Variants in FGD4 observed in about 807,000 individuals in gnomAD.
FGD4 encodes the protein FYVE, RhoGEF and PH domain containing 4.
Under a neutral mutation model 102.0 loss-of-function variants are expected in FGD4, and 42 were observed. The observed-to-expected ratio is 0.41, with a 90% CI of 0.32 to 0.53. The LOEUF is 0.53. Ranked by LOEUF, FGD4 falls within the 20% of genes least tolerant of loss-of-function variation. The pLI, the probability that FGD4 is intolerant of heterozygous loss-of-function variation, is 0.21. For synonymous variants in FGD4, 380 were observed against 375.7 expected (o/e 1.01, Z -0.13); for missense variants, 902 against 1,078.2 (o/e 0.84, Z 2.29).
At chr12:32,617,845 T>C (rs951520943) in intron 10 of FGD4, among the ~76,000 whole-genome samples, 1 of 152,242 alleles carries the variant, frequency 6.6e-6, no homozygotes, top group African/African-American at 2.4e-5. Flanking sequence ...CATAATCTTC[T>C]TTGTAAGCAA....
chr12:32,497,937 C>G (rs1937923696), intron 1 of FGD4, among the ~76,000 whole-genome samples: 1 of 152,166 alleles, frequency 6.6e-6, no homozygotes, highest in African/African-American at 2.4e-5. Flanking sequence ...CAGTGAGACT[C>G]TCCTCTAACG....
At chr12:32,632,245 T>C (rs1950535491) in intron 14 of FGD4, among the ~76,000 whole-genome samples, 1 of 152,222 alleles carries the variant, frequency 6.6e-6, no homozygotes, top group Non-Finnish European at 1.5e-5. Context: ...TAATACACAT[T>C]TGCATCATAT....
intron 1 of FGD4, among the ~76,000 whole-genome samples, chr12:32,443,467 C>G (rs1942510614): frequency 6.6e-6 from 1 of 151,616 alleles, no homozygotes; most frequent in African/African-American, 2.4e-5. Flanking sequence ...CCTCCTGCGT[C>G]AGCCTCCTGA....
At position 32,563,284 on chromosome 12, in the gene FGD4, C is replaced by T. The variant is rs867791084; in HGVS notation, c.167-853C>T. ...GCGGAGGGTCTCCTCACTTCTCAGA[C>T]GGGGCGGCCGGGCAGAGACGCTCCT... On this transcript the variant is annotated intron_variant, in intron 1 of 16. Transcript: ENST00000534526. 2.9e-3 allele frequency among the ~76,000 whole-genome samples: 406 copies of T among 141,904 alleles called. 1 individual carries two copies. The highest frequency in any genetic ancestry group is 0.023 in the Middle Eastern group (5 of 220). 93.1% of individuals were successfully genotyped at this position (141,904 alleles called of 152,430 possible).
chr12:32,514,311 T>G (rs1202771936), intron 1 of FGD4, among the ~76,000 whole-genome samples: 2 of 152,250 alleles, frequency 1.3e-5, no homozygotes, highest in East Asian at 1.9e-4. Context: ...TTTCTTTTTT[T>G]GAAATGTAAG....
At chr12:32,411,520 C>T (rs1444905541) in intron 1 of FGD4, among the ~76,000 whole-genome samples, 4 of 151,968 alleles carry the variant, frequency 2.6e-5, no homozygotes, top group Non-Finnish European at 5.9e-5. Flanking sequence ...GGCGACAGAG[C>T]AAGACTCCGT....
intron 1 of FGD4, among the ~76,000 whole-genome samples, chr12:32,528,093 C>A (rs1941439763): frequency 6.6e-6 from 1 of 152,050 alleles, no homozygotes; most frequent in Non-Finnish European, 1.5e-5. Flanking sequence ...CACATCCCAC[C>A]ACACCTGGCT....
At chr12:32,547,072 G>A (rs908247269) in intron 1 of FGD4, among the ~76,000 whole-genome samples, 1 of 152,190 alleles carries the variant, frequency 6.6e-6, no homozygotes, top group African/African-American at 2.4e-5. Flanking sequence ...CCTGCTCAGT[G>A]AAAGCCAAAG....
chr12:32,622,408 C>A (rs1949897889), intron 11 of FGD4, among the ~76,000 whole-genome samples: 1 of 152,184 alleles, frequency 6.6e-6, no homozygotes, highest in African/African-American at 2.4e-5. Flanking sequence ...GAGGAATTTT[C>A]TTAAGTACAG....
At chr12:32,570,353 G>C (rs1050684149) in intron 2 of FGD4, among the ~76,000 whole-genome samples, 1 of 151,988 alleles carries the variant, frequency 6.6e-6, no homozygotes, top group Non-Finnish European at 1.5e-5. Flanking sequence ...TAATAAGTGA[G>C]GGTGAACACC....
intron 1 of FGD4, among the ~76,000 whole-genome samples, chr12:32,408,052 T>G (rs1941021777): frequency 6.6e-6 from 1 of 151,732 alleles, no homozygotes. Context: ...CAGGCTGGAG[T>G]GCGATGGTGC....
intron 1 of FGD4, among the ~76,000 whole-genome samples, chr12:32,499,503 A>G (rs1441181296): frequency 6.6e-6 from 1 of 152,184 alleles, no homozygotes; most frequent in Non-Finnish European, 1.5e-5. Flanking sequence ...CTGTGAGCCA[A>G]TTCTTTTTAG....
chr12:32,554,842 G>A (rs79734750), intron 1 of FGD4, among the ~76,000 whole-genome samples: 9,128 of 152,334 alleles, frequency 0.06, 348 homozygotes, highest in South Asian at 0.14. Context: ...AGGAGCCAGT[G>A]TGCCTGGAAT....
chr12:32,598,706 A>T (rs1399391789), intron 5 of FGD4, 120 bp downstream of exon 5: 14 of 792,682 alleles, frequency 1.8e-5, no homozygotes, highest in Middle Eastern at 3.4e-4. Context: ...AGTGAAAGGT[A>T]CTTGCTCAAG....
At position 32,506,075 on chromosome 12, in the gene FGD4, CTG is replaced by C. The variant is rs1322742113; in HGVS notation, c.167-58059_167-58058del. Among the ~76,000 whole-genome samples the C allele has an allele frequency of 6.6e-6, 1 of 152,146 alleles. No individual in the cohort carries two copies. The highest frequency in any genetic ancestry group is 1.5e-5 in the Non-Finnish European group (1 of 68,042). ...AGCAGCTTTTCCAAGGTCAGGAAAC[CTG>C]TGAGTTACAGAAACAGCTAATGTTG... is the stretch of plus-strand genomic sequence containing the variant. On this transcript the variant is annotated intron_variant, in intron 1 of 16. Coordinates refer to ENST00000534526, the MANE Select transcript of FGD4 (RefSeq NM_001370298.3). This position sits in a 1 kb window ranked among gnomAD's most constrained non-coding sequence, Gnocchi z 4.5.
intron 1 of FGD4, among the ~76,000 whole-genome samples, chr12:32,455,171 C>A (rs996116070): frequency 1.3e-5 from 2 of 152,158 alleles, no homozygotes; most frequent in African/African-American, 4.8e-5. Context: ...GTATTTTCTA[C>A]AAATTTCTTT....
intron 1 of FGD4, among the ~76,000 whole-genome samples, chr12:32,480,716 C>T (rs10771957): frequency 6.6e-6 from 1 of 151,434 alleles, no homozygotes; most frequent in African/African-American, 2.4e-5. Flanking sequence ...GGCCAGGATG[C>T]TCTTGCTCTC....
chr12:32,590,282 C>A (rs1311546740), intron 4 of FGD4, among the ~76,000 whole-genome samples: 1 of 147,516 alleles, frequency 6.8e-6, no homozygotes, highest in African/African-American at 2.5e-5. Flanking sequence ...CGCACTCCAG[C>A]CTGGGGGACA....
intron 2 of FGD4, among the ~76,000 whole-genome samples, chr12:32,573,654 A>C (rs1043555003): frequency 1.3e-5 from 2 of 152,074 alleles, no homozygotes; most frequent in African/African-American, 2.4e-5. Context: ...TGTCATATCC[A>C]TGTATCATTT....
Sources: gnomAD v4.1 joint callset for allele counts (sites outside exome capture counted in the v4.1 genomes callset) on GRCh38, gnomAD v4.1.1 for gene constraint, Gnocchi (gnomAD v3.1) non-coding constraint, MANE v1.5 for transcripts, NCBI Gene and HGNC (gene_info 2026-07-23, HGNC 2026-07-21) for gene names.